Variants in E2F2 observed in about 807,000 individuals in gnomAD.
E2F2 encodes the protein transcription factor E2F2.
Under a neutral mutation model 42.2 loss-of-function variants are expected in E2F2, and 22 were observed. That is an observed-to-expected ratio of 0.52 (90% CI 0.37 to 0.74). The LOEUF (loss-of-function observed/expected upper bound fraction) is 0.74, where lower values mean the gene tolerates loss of function less well. Among genes scored for constraint, E2F2 ranks in the 30% least tolerant of loss-of-function variants. E2F2 has a pLI of 0.00. For missense variants in E2F2, 481 were observed against 557.8 expected (o/e 0.86, Z 1.39); for synonymous variants, 248 against 251.6 (o/e 0.99, Z 0.13).
In E2F2 at chr1:23,530,560, C is replaced by T. The variant is rs1643321671; in HGVS notation, c.234G>A (p.Leu78=). 6.2e-7 allele frequency: 1 copy of T among 1,611,076 alleles called. No individual in the cohort carries two copies. The highest frequency in any genetic ancestry group is 1.3e-5 in the African/African-American group (1 of 74,986). The stretch of plus-strand genomic sequence containing the variant: ...GCATTACCGGCAGCCGGCCTGCCGG[C>T]AGGCATCGCACAACTTGGCCCTCGG... ...HGPEGQVVRC[L]PAGRLPAKRK... is the part of the protein sequence containing the mutation. The change falls in exon 1 of 7, where the codon CTG becomes CTA. Residue 78 remains leucine, a synonymous_variant. Transcript: ENST00000361729. The surrounding 1 kb of genome is among the most constrained non-coding windows in gnomAD (Gnocchi z 4.4).
downstream of E2F2, among the ~76,000 whole-genome samples, chr1:23,505,703 C>T (rs762710053): frequency 6.6e-5 from 10 of 151,756 alleles, no homozygotes; most frequent in Admixed American, 1.3e-4. Flanking sequence ...TTAGTAGAGA[C>T]GGGGTTTCAC....
chr1:23,522,854 C>T (rs1555027), intron 2 of E2F2, among the ~76,000 whole-genome samples: 67,270 of 151,992 alleles, frequency 0.44, 18,200 homozygotes, highest in East Asian at 0.83. Flanking sequence ...AAGTTAGTGG[C>T]CAATCCAGTA....
chr1:23,524,775 C>T (rs1643221555), intron 1 of E2F2, among the ~76,000 whole-genome samples: 1 of 152,234 alleles, frequency 6.6e-6, no homozygotes, highest in African/African-American at 2.4e-5. Flanking sequence ...GCTCAGAGCT[C>T]CTTAACCACG....
In E2F2 at chr1:23,530,867, T is replaced by C. The variant is rs532646889; in HGVS notation, c.-74A>G. On this transcript the variant is annotated 5_prime_UTR_variant, in exon 1 of 7. Transcript: ENST00000361729. The surrounding 1 kb of genome is among the most constrained non-coding windows in gnomAD (Gnocchi z 4.4). ...ACCTGCGGGTTCCGGTGCTGCCGCCTTTCACACGGCCCGCGGCATGGCGCG... is the reference window on the plus strand; with the variant it reads ...ACCTGCGGGTTCCGGTGCTGCCGCCCTTCACACGGCCCGCGGCATGGCGCG... 5.0e-6 allele frequency: 7 copies of C among 1,404,658 alleles called. No homozygotes were observed. The highest frequency in any genetic ancestry group is 4.5e-5 in the African/African-American group (3 of 67,182). The allele number at this position is 1,404,658 out of a possible 1,614,324, so 87.0% of individuals were successfully genotyped here.
In E2F2 at chr1:23,510,030, C is replaced by T. The variant is rs1456711023; in HGVS notation, c.1164G>A (p.Gln388=). The T allele has an allele frequency of 6.2e-7, 1 of 1,613,430 alleles. No individual in the cohort carries two copies. The highest frequency in any genetic ancestry group is 8.5e-7 in the Non-Finnish European group (1 of 1,179,846). ...TGCACGCCAGGGTCGGGGACAGGAA[C>T]TGGTCCTCAGTCTGCTGCAGGAGTG... is the stretch of plus-strand genomic sequence containing the variant. ...PHPLLQQTED[Q]FLSPTLACSS... The change falls in exon 7 of 7, where the codon CAG becomes CAA. Residue 388 remains glutamine, a synonymous_variant. Transcript: ENST00000361729.
intron 1 of E2F2, among the ~76,000 whole-genome samples, chr1:23,529,723 T>G (rs1366241130): frequency 6.6e-6 from 1 of 151,848 alleles, no homozygotes; most frequent in Admixed American, 6.6e-5. Context: ...AGTGGCAGAG[T>G]CACACCAGAA....
chr1:23,512,338 G>A (rs756886371), intron 6 of E2F2, among the ~76,000 whole-genome samples: 4 of 152,282 alleles, frequency 2.6e-5, no homozygotes, highest in Non-Finnish European at 5.9e-5. Context: ...TGCCCTTGAG[G>A]CGAGGCGTGG....
rs768146058 is a variant in E2F2, at chr1:23,530,509, AT to A, written c.252+32del. On this transcript the variant is annotated intron_variant, in intron 1 of 6. Coordinates refer to ENST00000361729, the MANE Select transcript of E2F2 (RefSeq NM_004091.4). The surrounding 1 kb of genome is among the most constrained non-coding windows in gnomAD (Gnocchi z 4.4). The stretch of plus-strand genomic sequence containing the variant: ...CCTCCTTTCCCACACCTGGAAAAGC[AT>A]AGGGGGAAGCGGTGGGGGCCCCCAG... 1.2e-6 allele frequency: 2 copies of A among 1,608,600 alleles called. No individual in the cohort carries two copies. Among genetic ancestry groups the A allele is most frequent in the Non-Finnish European group, 1.7e-6 (2 of 1,177,980 alleles).
At position 23,530,572 on chromosome 1, in the gene E2F2, A is replaced by G. The variant is rs1643321868; in HGVS notation, c.222T>C (p.Val74=). The G allele has an allele frequency of 6.2e-7, 1 of 1,612,180 alleles. No homozygotes were observed. Among genetic ancestry groups the G allele is most frequent in the Non-Finnish European group, 8.5e-7 (1 of 1,179,496 alleles). Residue 74 remains valine (V), a synonymous_variant, in exon 1 of 7, where the codon GTT becomes GTC. Transcript: ENST00000361729. The surrounding 1 kb of genome is among the most constrained non-coding windows in gnomAD (Gnocchi z 4.4). ...DATPHGPEGQ[V]VRCLPAGRLP... ...GCCGGCCTGCCGGCAGGCATCGCAC[A>G]ACTTGGCCCTCGGGTCCGTGGGGAG...
rs1237514376 is a variant in E2F2, at chr1:23,508,836, T to G, written c.*1044A>C. On this transcript the variant is annotated 3_prime_UTR_variant, in exon 7 of 7. Transcript: ENST00000361729. ...AGCAGAGAATGATGCCAGTGCCACA[T>G]GGGGGGCAGAGGGGATGCTTTTGGC... The G allele has an allele frequency of 2.6e-5, 4 of 152,018 alleles. No homozygotes were observed. The highest frequency in any genetic ancestry group is 9.7e-5 in the African/African-American group (4 of 41,256). The allele number at this position is 152,018 out of a possible 1,614,324, so 9.4% of individuals were successfully genotyped here. A position where few individuals can be genotyped will look rare whatever the true frequency, so the allele number is the denominator to read the frequency against.
At chr1:23,521,455 G>A (rs1643144953) in intron 3 of E2F2, 2 of 726,516 alleles carry the variant, frequency 2.8e-6, no homozygotes, top group Non-Finnish European at 3.4e-6. Context: ...CTCAGATCTG[G>A]AAGGAGTCCG....
chr1:23,520,892 TC>T lies in E2F2; in HGVS notation c.737+20del. The T allele has an allele frequency of 6.5e-7, 1 of 1,538,818 alleles. No individual in the cohort carries two copies. Among genetic ancestry groups the T allele is most frequent in the Non-Finnish European group, 8.8e-7 (1 of 1,140,682 alleles). ...AACAGGTTCCTGCTCCCTGACACCTTCCCCCAACCAAGGAGGATATCTCTTG... is the reference window on the plus strand; with the variant it reads ...AACAGGTTCCTGCTCCCTGACACCTTCCCCAACCAAGGAGGATATCTCTTG... On this transcript the variant is annotated intron_variant, in intron 4 of 6. Transcript: ENST00000361729.
At chr1:23,516,270 T>C (rs2148694883) in intron 6 of E2F2, 65 bp downstream of exon 6, 1 of 1,410,228 alleles carries the variant, frequency 7.1e-7, no homozygotes, top group Non-Finnish European at 9.2e-7. Flanking sequence ...CAAACATTGA[T>C]ATAGAAGAGA....
At position 23,506,572 on chromosome 1, in the gene E2F2, G is replaced by A. The variant is rs541447877; in HGVS notation, c.*3308C>T. 7 of 152,354 alleles carry A rather than the reference G, an allele frequency of 4.6e-5. No homozygotes were observed. Among genetic ancestry groups the A allele is most frequent in the African/African-American group, 1.7e-4 (7 of 41,576 alleles). The allele number at this position is 152,354 out of a possible 1,614,324, so 9.4% of individuals were successfully genotyped here. A position where few individuals can be genotyped will look rare whatever the true frequency, so the allele number is the denominator to read the frequency against. The stretch of plus-strand genomic sequence containing the variant: ...CCCAGCACGGGGACCATGTTCTCTC[G>A]GTTCCAGCTCACCCTCGAAAAGTGC... On this transcript the variant is annotated 3_prime_UTR_variant, in exon 7 of 7. Transcript: ENST00000361729.
At chr1:23,528,734 A>T (rs577807973) in intron 1 of E2F2, among the ~76,000 whole-genome samples, 4 of 152,352 alleles carry the variant, frequency 2.6e-5, no homozygotes, top group African/African-American at 9.6e-5. Context: ...AGACAGATGT[A>T]CTTGGGCTCC....
At chr1:23,521,158 C>G in intron 3 of E2F2, 87 bp from the exon 4 acceptor site, 1 of 1,386,830 alleles carries the variant, frequency 7.2e-7, no homozygotes. Flanking sequence ...AGGGTGCTTC[C>G]CTGGGTTGTG....
intron 6 of E2F2, among the ~76,000 whole-genome samples, chr1:23,514,369 G>A (rs984730990): frequency 7.9e-5 from 12 of 152,116 alleles, no homozygotes; most frequent in Non-Finnish European, 1.5e-4. Flanking sequence ...GAGAAGCTCT[G>A]GTCCCTGATG....
At chr1:23,521,553 T>C (rs1327807136) in intron 3 of E2F2, 1 of 985,152 alleles carries the variant, frequency 1.0e-6, no homozygotes, top group Non-Finnish European at 1.2e-6. Context: ...GAATCTGAGG[T>C]TCCCTTTGGC....
chr1:23,522,109 G>A (rs1158123715), intron 2 of E2F2, 53 bp from the exon 3 acceptor site: 1 of 1,560,952 alleles, frequency 6.4e-7, no homozygotes, highest in Non-Finnish European at 8.8e-7. Context: ...GCCCGCCCAG[G>A]ACCCTCGTCC....
Sources: allele counts gnomAD v4.1 joint callset (sites outside exome capture counted in the v4.1 genomes callset), GRCh38; gene constraint gnomAD v4.1.1; non-coding constraint Gnocchi (gnomAD v3.1); transcripts MANE v1.5; gene names NCBI Gene and HGNC (gene_info 2026-07-23, HGNC 2026-07-21).